The following ADGRG6 variants were observed in gnomAD, a reference collection of about 807,000 sequenced individuals.
The protein encoded by ADGRG6 is G-protein coupled receptor 126.
Under a neutral mutation model 142.4 loss-of-function variants are expected in ADGRG6, and 84 were observed. The ratio of observed to expected loss-of-function variants is 0.59; its 90% CI spans 0.49 to 0.71. The LOEUF (loss-of-function observed/expected upper bound fraction) is 0.71. Ranked by LOEUF, ADGRG6 falls within the 30% of genes least tolerant of loss-of-function variation. The pLI, the probability that ADGRG6 is intolerant of heterozygous loss-of-function variation, is 0.00. For synonymous variants in ADGRG6, 521 were observed against 520.5 expected (o/e 1.00, Z -0.01); for missense variants, 1,367 against 1,466.6 (o/e 0.93, Z 1.11).
In ADGRG6 at chr6:142,392,977, C is replaced by A; in HGVS notation, c.1338C>A (p.Tyr446Ter). ...ATTCAACCTTCCAAAATTGGAACTA[C>A]ACGGTTTATGTCGTTAATATCAGGT... ...WLNSTFQNWNYTVYVVNISFH... is the reference protein window; with the variant it reads ...WLNSTFQNWN Residue 446 changes from tyrosine to a stop codon, truncating the protein, a stop_gained, in exon 8 of 25, where the codon TAC becomes TAA. Coordinates refer to ENST00000367609, the MANE Select transcript of ADGRG6 (RefSeq NM_198569.3). LOFTEE classifies it high-confidence loss of function. 1 of 1,593,308 alleles carries A rather than the reference C, an allele frequency of 6.3e-7. No individual in the cohort carries two copies. Among genetic ancestry groups the A allele is most frequent in the Non-Finnish European group, 8.6e-7 (1 of 1,161,732 alleles).
chr6:142,342,300 G>A (rs1235406400), intron 2 of ADGRG6, among the ~76,000 whole-genome samples: 2 of 152,122 alleles, frequency 1.3e-5, no homozygotes, highest in Non-Finnish European at 2.9e-5. Flanking sequence ...TTAAATTCCA[G>A]AGAAGATGCA....
intron 23 of ADGRG6, 65 bp downstream of exon 23, chr6:142,437,600 C>A: frequency 1.2e-6 from 1 of 820,730 alleles, no homozygotes; most frequent in South Asian, 1.3e-5. Context: ...TTCAGTCTTT[C>A]ATTGTCAGAG....
At chr6:142,409,793 T>C in intron 16 of ADGRG6, 81 bp from the exon 17 acceptor site, 1 of 629,598 alleles carries the variant, frequency 1.6e-6, no homozygotes, top group South Asian at 2.3e-5. Flanking sequence ...TGTGAAACCC[T>C]TCGTGTTTTT....
At chr6:142,424,598 T>A (rs12665232) in intron 22 of ADGRG6, among the ~76,000 whole-genome samples, 29,984 of 149,028 alleles carry the variant, frequency 0.2, 2,892 homozygotes, top group South Asian at 0.23. Flanking sequence ...GATTTTTGCA[T>A]CAATGTTCAT....
Position 142,302,256 on chromosome 6 carries a change from C to T in ADGRG6, c.-74C>T, listed in dbSNP as rs548097841. 5.7e-6 allele frequency: 9 copies of T among 1,573,980 alleles called. No individual in the cohort carries two copies. Among genetic ancestry groups the T allele is most frequent in the Admixed American group, 5.2e-5 (3 of 57,596 alleles). On this transcript the variant is annotated 5_prime_UTR_variant, in exon 1 of 25. Transcript: ENST00000367609. Reference sequence around the variant, plus strand: ...GCGCCTGGGTTCCCCCTGGGTGGAGCAGCGGCAGCAGAGCGGGAAAGTGGT... The same window carrying T: ...GCGCCTGGGTTCCCCCTGGGTGGAGTAGCGGCAGCAGAGCGGGAAAGTGGT...
At chr6:142,350,934 T>C (rs1780141608) in intron 2 of ADGRG6, among the ~76,000 whole-genome samples, 1 of 152,096 alleles carries the variant, frequency 6.6e-6, no homozygotes, top group Non-Finnish European at 1.5e-5. Context: ...AAAGCAATCC[T>C]AAGCAAAAAG....
chr6:142,314,036 C>G (rs1200278103), intron 2 of ADGRG6, among the ~76,000 whole-genome samples: 1 of 152,148 alleles, frequency 6.6e-6, no homozygotes, highest in East Asian at 1.9e-4. Context: ...AAATTACTGT[C>G]TGAAGCTTTC....
chr6:142,316,933 T>C (rs1180049341), intron 2 of ADGRG6, among the ~76,000 whole-genome samples: 1 of 152,016 alleles, frequency 6.6e-6, no homozygotes, highest in African/African-American at 2.4e-5. Context: ...TCATCAGAGG[T>C]CAATATTAGT....
At chr6:142,338,006 C>CTTTTTTTTTTTTTTTTTTTTTT (rs1562320880) in intron 2 of ADGRG6, among the ~76,000 whole-genome samples, 1 of 68,138 alleles carries the variant, frequency 1.5e-5, no homozygotes, top group African/African-American at 7.2e-5. Flanking sequence ...CTTTTTATGC[C>CTTTTTTTTTTTTTTTTTTTTTT]TTGTATCTTT....
rs960788726 is a variant in ADGRG6, at chr6:142,370,191, A to G, written c.467A>G (p.Gln156Arg). The G allele has an allele frequency of 2.5e-6, 4 of 1,603,872 alleles. No homozygotes were observed. Among genetic ancestry groups the G allele is most frequent in the Middle Eastern group, 1.7e-4 (1 of 6,032 alleles). The change falls in exon 4 of 25, where the codon CAA becomes CGA. Residue 156 changes from glutamine to arginine, a missense_variant. Physicochemically the swap from Gln to Arg is conservative, Grantham distance 43. Transcript: ENST00000367609. ...CTAGTTGCCGTGTCCTTAAGGAATC[A>G]AAAGGTCATTTTACCCCAGACATCA... ...YIRVAVSLRN[Q>R]KVILPQTSDA...
chr6:142,420,234 G>A, intron 22 of ADGRG6, 130 bp downstream of exon 22: 1 of 712,968 alleles, frequency 1.4e-6, no homozygotes, highest in East Asian at 2.6e-5. Flanking sequence ...AGTTCCATGT[G>A]CAGTGTGGTC....
chr6:142,389,206 G>T (rs1774742116), intron 6 of ADGRG6, among the ~76,000 whole-genome samples: 1 of 151,832 alleles, frequency 6.6e-6, no homozygotes, highest in South Asian at 2.1e-4. Context: ...AGTGGGACTG[G>T]AATTTGCATT....
chr6:142,360,384 A>G (rs1780654602), intron 2 of ADGRG6, among the ~76,000 whole-genome samples: 1 of 152,182 alleles, frequency 6.6e-6, no homozygotes, highest in Admixed American at 6.5e-5. Context: ...GAGTATATAT[A>G]AAGAAGAGCT....
chr6:142,310,998 T>G (rs1323524748), intron 2 of ADGRG6, among the ~76,000 whole-genome samples: 1 of 151,954 alleles, frequency 6.6e-6, no homozygotes, highest in Non-Finnish European at 1.5e-5. Flanking sequence ...TTAAGGCTTC[T>G]TGAGACCACG....
chr6:142,373,488 C>G (rs780290386), intron 4 of ADGRG6, among the ~76,000 whole-genome samples: 6 of 152,164 alleles, frequency 3.9e-5, no homozygotes, highest in Non-Finnish European at 8.8e-5. Context: ...AAGAATTTCT[C>G]TAGACCAGAG....
At chr6:142,420,245 A>T in intron 22 of ADGRG6, 141 bp downstream of exon 22, 1 of 686,014 alleles carries the variant, frequency 1.5e-6, no homozygotes, top group East Asian at 2.7e-5. Flanking sequence ...CAGTGTGGTC[A>T]CTTGTTAAAA....
intron 4 of ADGRG6, among the ~76,000 whole-genome samples, chr6:142,372,333 G>A (rs985977528): frequency 1.3e-5 from 2 of 152,168 alleles, no homozygotes; most frequent in African/African-American, 4.8e-5. Flanking sequence ...AGAAGAAGGA[G>A]CCTAGTATTC....
intron 2 of ADGRG6, among the ~76,000 whole-genome samples, chr6:142,366,169 C>A (rs894543786): frequency 1.3e-5 from 2 of 152,142 alleles, no homozygotes; most frequent in African/African-American, 2.4e-5. Flanking sequence ...TGAGAAGAAC[C>A]TAACTGTTCT....
intron 18 of ADGRG6, among the ~76,000 whole-genome samples, chr6:142,414,433 C>A (rs539783237): frequency 1.3e-5 from 2 of 152,290 alleles, no homozygotes; most frequent in Non-Finnish European, 2.9e-5. Flanking sequence ...CTCATACATA[C>A]CAAGCATTGA....
Sources: gnomAD v4.1 joint callset for allele counts (sites outside exome capture counted in the v4.1 genomes callset) on GRCh38, gnomAD v4.1.1 for gene constraint, MANE v1.5 for transcripts, NCBI Gene and HGNC (gene_info 2026-07-23, HGNC 2026-07-21) for gene names.